Variants in HID1 observed in about 807,000 individuals in gnomAD.
HID1 encodes HID1 domain containing.
In HID1, 42 loss-of-function variants were observed where a neutral mutation model predicts 89.7. That is an observed-to-expected ratio of 0.47 (90% CI 0.37 to 0.61). The LOEUF is 0.61. HID1 is among the 20% of genes least tolerant of loss of function. The pLI, the probability that HID1 is intolerant of heterozygous loss-of-function variation, is 0.00. For missense variants in HID1, 854 were observed against 1,039.3 expected (o/e 0.82, Z 2.45); for synonymous variants, 442 against 433.8 (o/e 1.02, Z -0.24).
In HID1 at chr17:74,963,881, C is replaced by T; in HGVS notation, c.246G>A (p.Glu82=). The T allele has an allele frequency of 5.6e-6, 9 of 1,613,970 alleles. No homozygotes were observed. Among genetic ancestry groups the T allele is most frequent in the Non-Finnish European group, 7.6e-6 (9 of 1,180,028 alleles). ...KAVEKLVQGA[E]SGCHSEKEKQ... ...TCTCCTTCTCCGAGTGGCAGCCACT[C>T]TCAGCTCCCTGCACCAGCTTCTCAA... Residue 82 remains glutamate, a synonymous_variant, in exon 3 of 19, where the codon GAG becomes GAA. Transcript: ENST00000425042.
At chr17:74,969,148 C>G (rs1285447924) in intron 1 of HID1, among the ~76,000 whole-genome samples, 2 of 81,416 alleles carry the variant, frequency 2.5e-5, no homozygotes, top group Non-Finnish European at 4.8e-5. Flanking sequence ...CTCAATGACC[C>G]CAGTTGGCCT....
At chr17:74,969,175 A>G (rs2039606717) in intron 1 of HID1, among the ~76,000 whole-genome samples, 2 of 151,738 alleles carry the variant, frequency 1.3e-5, no homozygotes, top group African/African-American at 4.8e-5. Flanking sequence ...AGCCCGCCCA[A>G]GGAAGCTTCT....
At chr17:74,956,979 C>A (rs898481469) in intron 12 of HID1, among the ~76,000 whole-genome samples, 3 of 152,214 alleles carry the variant, frequency 2.0e-5, no homozygotes, top group African/African-American at 7.2e-5. Context: ...ACATCAGCCA[C>A]GTGTGGCCAT....
chr17:74,959,145 C>T lies in HID1; in HGVS notation c.1009-94G>A, dbSNP rs549150764. 4.3e-6 allele frequency: 6 copies of T among 1,383,336 alleles called. No homozygotes were observed. Among genetic ancestry groups the T allele is most frequent in the Non-Finnish European group, 5.7e-6 (6 of 1,048,268 alleles). The allele number at this position is 1,383,336 out of a possible 1,614,324, so 85.7% of individuals were successfully genotyped here. On this transcript the variant is annotated intron_variant, in intron 8 of 18. Transcript: ENST00000425042. This position sits in a 1 kb window ranked among gnomAD's most constrained non-coding sequence, Gnocchi z 4.6. The stretch of plus-strand genomic sequence containing the variant: ...CCCCCAACAAATCCCCCCCTCCATC[C>T]CCCAGAGCCAGATCCCACCTCCAGA...
chr17:74,963,391 G>A (rs2039514374), intron 3 of HID1: 2 of 490,154 alleles, frequency 4.1e-6, no homozygotes, highest in Admixed American at 7.2e-5. Flanking sequence ...CACCTCACCT[G>A]GACATAAACC....
Position 74,954,312 on chromosome 17 carries a change from G to A in HID1, c.1690C>T (p.Leu564=). ...GGCGGGTCCGTGGGCAGGTTGGCCA[G>A]CTGGTGGAAGATGCTGCGCTTGCGG... is the stretch of plus-strand genomic sequence containing the variant. ...IIRKRSIFHQ[L]ANLPTDPPTI... Residue 564 remains leucine, a synonymous_variant, in exon 14 of 19, where the codon CTG becomes TTG. Coordinates refer to ENST00000425042, the MANE Select transcript of HID1 (RefSeq NM_030630.3). 6 of 1,586,916 alleles carry A rather than the reference G, an allele frequency of 3.8e-6. No individual in the cohort carries two copies. The highest frequency in any genetic ancestry group is 1.3e-5 in the African/African-American group (1 of 74,590).
At position 74,951,453 on chromosome 17, in the gene HID1, C is replaced by T. The variant is rs1384993396; in HGVS notation, c.*117G>A. 7 of 1,015,036 alleles carry T rather than the reference C, an allele frequency of 6.9e-6. No individual in the cohort carries two copies. 62.9% of individuals were successfully genotyped at this position (1,015,036 alleles called of 1,614,324 possible). ...CTCTAGGGCATGACACTCAGGGCCA[C>T]TCTGCCTGTTCCAGGCCCTGATCGT... On this transcript the variant is annotated 3_prime_UTR_variant, in exon 19 of 19. Coordinates refer to ENST00000425042, the MANE Select transcript of HID1 (RefSeq NM_030630.3).
At position 74,953,030 on chromosome 17, in the gene HID1, C is replaced by T. The variant is rs770271942; in HGVS notation, c.2028G>A (p.Gly676=). ...CCCACTCTGGCGTTGGGCTCCACTG[C>T]CCACTGGCTGATGAGGTGGACGGTC... ...QRRPSTSSAS[G]QWSPTPEWVL... is the part of the protein sequence containing the mutation. The change falls in exon 16 of 19, where the codon GGG becomes GGA. Residue 676 remains glycine (G), a synonymous_variant. Coordinates refer to ENST00000425042, the MANE Select transcript of HID1 (RefSeq NM_030630.3). 6.2e-7 allele frequency: 1 copy of T among 1,609,058 alleles called. No homozygotes were observed. Among genetic ancestry groups the T allele is most frequent in the South Asian group, 1.1e-5 (1 of 90,090 alleles).
intron 17 of HID1, 29 bp downstream of exon 17, chr17:74,952,240 A>G: frequency 6.3e-7 from 1 of 1,592,642 alleles, no homozygotes; most frequent in East Asian, 2.2e-5. Flanking sequence ...CCCGCCCACA[A>G]CCCCCGGCCC....
At chr17:74,960,350 AT>A in intron 6 of HID1, 102 bp from the exon 7 acceptor site, 4 of 974,742 alleles carry the variant, frequency 4.1e-6, no homozygotes, top group Non-Finnish European at 6.0e-6. Context: ...TTCAACAAGC[AT>A]TTTAGCACCA....
At position 74,962,974 on chromosome 17, in the gene HID1, C is replaced by T. The variant is rs200779853; in HGVS notation, c.495G>A (p.Arg165=). ...CPDFTVQSHR[R]STVDSAEDVH... ...GCTGGGGGACACTCACCACAGTGCT[C>T]CTCCGGTGGCTCTGAACCGTGAAGT... Residue 165 remains arginine (R), a synonymous_variant, in exon 4 of 19, where the codon AGG becomes AGA. Transcript: ENST00000425042. This position sits in a 1 kb window ranked among gnomAD's most constrained non-coding sequence, Gnocchi z 4.3. 8.1e-6 allele frequency: 13 copies of T among 1,611,554 alleles called. No homozygotes were observed. The highest frequency in any genetic ancestry group is 1.0e-5 in the Non-Finnish European group (12 of 1,178,346).
chr17:74,951,804 C>A (rs1262698911), intron 18 of HID1, 101 bp downstream of exon 18: 1 of 1,406,656 alleles, frequency 7.1e-7, no homozygotes, highest in Non-Finnish European at 9.6e-7. Flanking sequence ...ACTGTCTTGA[C>A]ATGAAGTCCA....
intron 14 of HID1, 31 bp from the exon 15 acceptor site, chr17:74,953,682 C>A (rs746726488): frequency 6.4e-7 from 1 of 1,559,376 alleles, no homozygotes; most frequent in Non-Finnish European, 8.8e-7. Flanking sequence ...AGTGAGGACT[C>A]CCTGCCACAG....
At position 74,972,510 on chromosome 17, in the gene HID1, G is replaced by T; in HGVS notation, c.66+81C>A. ...CCCGCCCGTCCCCCCATCTCCCGACGAGCCAAGTTCGCGTACCCCCGGCCC... is the reference window on the plus strand; with the variant it reads ...CCCGCCCGTCCCCCCATCTCCCGACTAGCCAAGTTCGCGTACCCCCGGCCC... On this transcript the variant is annotated intron_variant, in intron 1 of 18. Transcript: ENST00000425042. The surrounding 1 kb of genome is among the most constrained non-coding windows in gnomAD (Gnocchi z 6.4). 1 of 1,322,064 alleles carries T rather than the reference G, an allele frequency of 7.6e-7. No homozygotes were observed. The highest frequency in any genetic ancestry group is 1.0e-6 in the Non-Finnish European group (1 of 962,976). The allele number at this position is 1,322,064 out of a possible 1,614,324, so 81.9% of individuals were successfully genotyped here.
Position 74,951,329 on chromosome 17 carries a change from C to T in HID1, c.*241G>A. The T allele has an allele frequency of 1.7e-6, 1 of 573,198 alleles. No homozygotes were observed. Among genetic ancestry groups the T allele is most frequent in the Non-Finnish European group, 3.1e-6 (1 of 322,730 alleles). The allele number at this position is 573,198 out of a possible 1,614,324, so 35.5% of individuals were successfully genotyped here. A position where few individuals can be genotyped will look rare whatever the true frequency, so the allele number is the denominator to read the frequency against. ...GAGTCCGAGTGTTGGGGGCAGTGGT[C>T]TCTGGTGGGGGCATAGCCCCAGAGA... On this transcript the variant is annotated 3_prime_UTR_variant, in exon 19 of 19. Coordinates refer to ENST00000425042, the MANE Select transcript of HID1 (RefSeq NM_030630.3).
At chr17:74,960,339 A>C in intron 6 of HID1, 91 bp from the exon 7 acceptor site, 2 of 1,110,826 alleles carry the variant, frequency 1.8e-6, no homozygotes, top group Non-Finnish European at 2.5e-6. Context: ...GGTCAGCCTC[A>C]TTCAACAAGC....
rs1054797471 is a variant in HID1 at position 74,954,336 on chromosome 17, G to A, written c.1666C>T (p.Arg556Cys). The change falls in exon 14 of 19, where the codon CGC (arginine) becomes TGC (cysteine). Residue 556 changes from arginine to cysteine, a missense_variant. By Grantham distance (180) the Arg-to-Cys change is radical (BLOSUM62 -3). Transcript: ENST00000425042. ...AGCTGGTGGAAGATGCTGCGCTTGC[G>A]GATGATGGCGTAGACCAGGTTGGAG... ...GNSNLVYAII[R>C]KRSIFHQLAN... 17 of 1,576,982 alleles carry A rather than the reference G, an allele frequency of 1.1e-5. No homozygotes were observed. The highest frequency in any genetic ancestry group is 4.7e-5 in the East Asian group (2 of 42,772).
chr17:74,962,979 GGTGGCTCTGAACC>G lies in HID1; in HGVS notation c.477_489del (p.Val160GlyfsTer39). The G allele has an allele frequency of 6.2e-7, 1 of 1,612,124 alleles. No homozygotes were observed. The highest frequency in any genetic ancestry group is 8.5e-7 in the Non-Finnish European group (1 of 1,178,710). ...GGGACACTCACCACAGTGCTCCTCC[GGTGGCTCTGAACC>G]GTGAAGTCCGGGCAGAAGAGCAGGT... On this transcript the variant is annotated frameshift_variant, in exon 4 of 19. Transcript: ENST00000425042. LOFTEE classifies it high-confidence loss of function. The surrounding 1 kb of genome is among the most constrained non-coding windows in gnomAD (Gnocchi z 4.3).
At position 74,963,791 on chromosome 17, in the gene HID1, G is replaced by C. The variant is rs377414295; in HGVS notation, c.336C>G (p.Pro112=). ...TGGACCAGAAGAAGCCCCTCCAGTC[G>C]GGGTCCTCAAAGATGTAGGGCAGCA... ...TRVLPYIFED[P]DWRGFFWSTV... is the part of the protein sequence containing the mutation. Residue 112 remains proline (P), a synonymous_variant, in exon 3 of 19, where the codon CCC becomes CCG. Coordinates refer to ENST00000425042, the MANE Select transcript of HID1 (RefSeq NM_030630.3). 1 of 1,613,972 alleles carries C rather than the reference G, an allele frequency of 6.2e-7. No homozygotes were observed. Among genetic ancestry groups the C allele is most frequent in the East Asian group, 2.2e-5 (1 of 44,870 alleles).
Sources: gnomAD v4.1 joint callset for allele counts (sites outside exome capture counted in the v4.1 genomes callset) on GRCh38, gnomAD v4.1.1 for gene constraint, Gnocchi (gnomAD v3.1) non-coding constraint, MANE v1.5 for transcripts, NCBI Gene and HGNC (gene_info 2026-07-23, HGNC 2026-07-21) for gene names.